Variants in MRTFA observed in about 807,000 individuals in gnomAD.
MRTFA encodes myocardin related transcription factor A.
Under a neutral mutation model 83.5 loss-of-function variants are expected in MRTFA, and 20 were observed. The ratio of observed to expected loss-of-function variants is 0.24; its 90% CI spans 0.17 to 0.35. The LOEUF is 0.35. Among genes scored for constraint, MRTFA ranks in the 10% least tolerant of loss-of-function variants. The pLI, the probability that MRTFA is intolerant of heterozygous loss-of-function variation, is 1.00. For missense variants in MRTFA, 1,200 were observed against 1,224.7 expected (o/e 0.98, Z 0.30); for synonymous variants, 659 against 541.2 (o/e 1.22, Z -3.02).
At chr22:40,597,471 G>A (rs2056207289) in intron 1 of MRTFA, among the ~76,000 whole-genome samples, 1 of 152,190 alleles carries the variant, frequency 6.6e-6, no homozygotes, top group Non-Finnish European at 1.5e-5. Context: ...ATTATGGTTG[G>A]TGATCTTTCT....
intron 2 of MRTFA, among the ~76,000 whole-genome samples, chr22:40,591,507 C>G (rs930968954): frequency 1.1e-4 from 16 of 152,032 alleles, no homozygotes; most frequent in African/African-American, 3.9e-4. Context: ...AAGATTAAAT[C>G]CGATGCAGAA....
intron 2 of MRTFA, among the ~76,000 whole-genome samples, chr22:40,553,349 C>A (rs111771967): frequency 3.9e-5 from 6 of 152,328 alleles, no homozygotes; most frequent in African/African-American, 1.4e-4. Flanking sequence ...CAGACCTTCA[C>A]AGCAGCGCCT....
At chr22:40,571,391 T>C (rs1192338786) in intron 2 of MRTFA, among the ~76,000 whole-genome samples, 1 of 151,968 alleles carries the variant, frequency 6.6e-6, no homozygotes, top group Admixed American at 6.6e-5. Flanking sequence ...ACAAAGTACA[T>C]GGAACCAAAG....
intron 4 of MRTFA, among the ~76,000 whole-genome samples, chr22:40,447,001 T>A (rs977982050): frequency 6.6e-6 from 1 of 152,174 alleles, no homozygotes; most frequent in Non-Finnish European, 1.5e-5. Flanking sequence ...AAGCAAGTTA[T>A]AAGTGACAGT....
chr22:40,504,816 A>G (rs544501452), intron 3 of MRTFA, among the ~76,000 whole-genome samples: 18 of 152,196 alleles, frequency 1.2e-4, no homozygotes, highest in Non-Finnish European at 2.4e-4. Flanking sequence ...TGGATATAGT[A>G]TCTTTGAGGA....
Position 40,515,848 on chromosome 22 carries a change from G to A in MRTFA, c.241+36258C>T, listed in dbSNP as rs115947855. ...AGAATATAATCCCTGTGCAGATGGCGACCACATTTTCAGTAGATTCTCAAA... is the reference window on the plus strand; with the variant it reads ...AGAATATAATCCCTGTGCAGATGGCAACCACATTTTCAGTAGATTCTCAAA... On this transcript the variant is annotated intron_variant, in intron 3 of 14. Transcript: ENST00000355630. 4.5e-3 allele frequency among the ~76,000 whole-genome samples: 682 copies of A among 152,174 alleles called. 7 individuals carry two copies. The highest frequency in any genetic ancestry group is 0.016 in the African/African-American group (646 of 41,508).
chr22:40,411,306 GGA>G lies in MRTFA; in HGVS notation c.*82_*83del. ...TGATTGTCAAGACTCACAACCATGT[GGA>G]GAGGCCGAATCACGCAGGAGAGCCA... On this transcript the variant is annotated 3_prime_UTR_variant, in exon 15 of 15. Transcript: ENST00000355630. 1 of 1,398,290 alleles carries G rather than the reference GGA, an allele frequency of 7.2e-7. No homozygotes were observed. Among genetic ancestry groups the G allele is most frequent in the Admixed American group, 2.3e-5 (1 of 43,610 alleles). 86.6% of individuals were successfully genotyped at this position (1,398,290 alleles called of 1,614,324 possible).
At chr22:40,493,909 T>C (rs1159785997) in intron 3 of MRTFA, among the ~76,000 whole-genome samples, 4 of 152,224 alleles carry the variant, frequency 2.6e-5, no homozygotes, top group African/African-American at 4.8e-5. Flanking sequence ...CTGATGTAAA[T>C]TGTCTACCTT....
intron 9 of MRTFA, 92 bp downstream of exon 9, chr22:40,423,444 C>T: frequency 1.6e-6 from 2 of 1,231,318 alleles, no homozygotes; most frequent in Non-Finnish European, 2.2e-6. Context: ...GCACCACACC[C>T]TCTACAGCTG....
chr22:40,588,421 G>A (rs886080123), intron 2 of MRTFA, among the ~76,000 whole-genome samples: 10 of 152,136 alleles, frequency 6.6e-5, no homozygotes, highest in African/African-American at 2.4e-4. Flanking sequence ...GGCATTTTGG[G>A]TGAACAATTC....
chr22:40,571,769 A>G (rs1270094001), intron 2 of MRTFA, among the ~76,000 whole-genome samples: 1 of 151,652 alleles, frequency 6.6e-6, no homozygotes, highest in Non-Finnish European at 1.5e-5. Context: ...AGACCAAAAA[A>G]AAAAAGCAGC....
At chr22:40,588,825 T>A (rs2056071750) in intron 2 of MRTFA, among the ~76,000 whole-genome samples, 3 of 151,990 alleles carry the variant, frequency 2.0e-5, no homozygotes, top group Admixed American at 2.0e-4. Flanking sequence ...CTACAAAAAA[T>A]TTAAAAATTA....
At chr22:40,427,057 C>A (rs117691788) in intron 7 of MRTFA, among the ~76,000 whole-genome samples, 56 of 152,310 alleles carry the variant, frequency 3.7e-4, no homozygotes, top group Non-Finnish European at 6.3e-4. Flanking sequence ...TACGTGAATT[C>A]TTTTAGCGCA....
At chr22:40,597,234 G>C (rs1223206799) in intron 1 of MRTFA, among the ~76,000 whole-genome samples, 1 of 152,196 alleles carries the variant, frequency 6.6e-6, no homozygotes, top group Admixed American at 6.5e-5. Flanking sequence ...AATTTACAAA[G>C]TGAATAACGA....
rs1159733768 is a variant in MRTFA, at chr22:40,463,360, C to T, written c.242-74G>A. 3.6e-5 allele frequency: 48 copies of T among 1,332,638 alleles called. 1 individual carries two copies. Among genetic ancestry groups the T allele is most frequent in the South Asian group, 4.8e-5 (4 of 83,834 alleles). The allele number at this position is 1,332,638 out of a possible 1,614,324, so 82.6% of individuals were successfully genotyped here. On this transcript the variant is annotated intron_variant, in intron 3 of 14. Transcript: ENST00000355630. ...CCACCTCAAAAAACACATTTTCAAA[C>T]GCAAAAAAAGTCTAAAAACAGAAGG...
intron 9 of MRTFA, among the ~76,000 whole-genome samples, chr22:40,422,500 T>G (rs914646869): frequency 6.6e-6 from 1 of 152,140 alleles, no homozygotes; most frequent in Non-Finnish European, 1.5e-5. Context: ...AGGCACTAAC[T>G]GATGAGGCAG....
At chr22:40,592,492 CTTT>C (rs978906466) in intron 2 of MRTFA, among the ~76,000 whole-genome samples, 1 of 130,054 alleles carries the variant, frequency 7.7e-6, no homozygotes. Flanking sequence ...TTTTTTTTTT[CTTT>C]TTTTTTTTTT....
At chr22:40,421,665 G>A (rs2052843073) in intron 9 of MRTFA, among the ~76,000 whole-genome samples, 1 of 152,214 alleles carries the variant, frequency 6.6e-6, no homozygotes, top group African/African-American at 2.4e-5. Flanking sequence ...ACCTCCAGCT[G>A]GCACAGCCAC....
intron 1 of MRTFA, among the ~76,000 whole-genome samples, chr22:40,604,754 G>GA (rs144149874): frequency 0.034 from 5,096 of 151,288 alleles, 292 homozygotes; most frequent in African/African-American, 0.12. Flanking sequence ...TCAAAAAAAG[G>GA]AAAAAAAAGA....
Sources: allele counts gnomAD v4.1 joint callset (sites outside exome capture counted in the v4.1 genomes callset), GRCh38; gene constraint gnomAD v4.1.1; transcripts MANE v1.5; gene names NCBI Gene and HGNC (gene_info 2026-07-23, HGNC 2026-07-21).